CFAP61: variants seen among roughly 807,000 people sequenced by gnomAD.
CFAP61 encodes cilia- and flagella-associated protein 61.
A neutral mutation model predicts 135.6 loss-of-function variants in CFAP61; 107 were observed. The ratio of observed to expected loss-of-function variants is 0.79; its 90% CI spans 0.67 to 0.93. CFAP61 has a LOEUF of 0.93. Among genes scored for constraint, CFAP61 ranks in the 40% least tolerant of loss-of-function variants. CFAP61 has a pLI of 0.00. For synonymous variants in CFAP61, 575 were observed against 578.5 expected (o/e 0.99, Z 0.09); for missense variants, 1,507 against 1,556.2 (o/e 0.97, Z 0.53).
chr20:20,201,280 C>G (rs902393218), intron 17 of CFAP61, among the ~76,000 whole-genome samples: 1 of 152,194 alleles, frequency 6.6e-6, no homozygotes. Flanking sequence ...ACATGGGCAC[C>G]TGTTCCAGAA....
At chr20:20,062,299 A>G (rs1379279660) in intron 2 of CFAP61, among the ~76,000 whole-genome samples, 2 of 152,186 alleles carry the variant, frequency 1.3e-5, no homozygotes, top group Non-Finnish European at 2.9e-5. Flanking sequence ...TCTCTCACCC[A>G]TAGAATCATG....
rs755144101 is a variant in CFAP61 at position 20,159,422 on chromosome 20, G to GT, written c.1005dup (p.Gly336TrpfsTer4). On this transcript the variant is annotated frameshift_variant, in exon 10 of 27. Coordinates refer to ENST00000245957, the MANE Select transcript of CFAP61 (RefSeq NM_015585.4). LOFTEE classifies it high-confidence loss of function. ...GAGGAAGCTTTAACAGCAGTCCAAA[G>GT]TGGAAATGTTAGTGAACCGGAGGTA... 6.8e-6 allele frequency: 11 copies of GT among 1,613,982 alleles called. No homozygotes were observed. In the South Asian group the frequency reaches 1.2e-4, roughly 18 times the overall value.
At chr20:20,211,729 T>G (rs964834687) in intron 17 of CFAP61, among the ~76,000 whole-genome samples, 3 of 152,236 alleles carry the variant, frequency 2.0e-5, no homozygotes, top group Non-Finnish European at 4.4e-5. Context: ...TTTGTTTTAT[T>G]TTTTCATATA....
intron 24 of CFAP61, among the ~76,000 whole-genome samples, chr20:20,294,808 G>T (rs1052155090): frequency 1.3e-5 from 2 of 150,988 alleles, no homozygotes; most frequent in Non-Finnish European, 3.0e-5. Context: ...GGCGCCTGTA[G>T]TCCCAGCTAC....
chr20:20,174,277 G>A (rs554335867), intron 13 of CFAP61, among the ~76,000 whole-genome samples: 8 of 152,160 alleles, frequency 5.3e-5, no homozygotes, highest in South Asian at 4.1e-4. Flanking sequence ...CAGCGCACCC[G>A]CCAGCCCACA....
intron 25 of CFAP61, among the ~76,000 whole-genome samples, chr20:20,336,725 G>C (rs182167026): frequency 6.6e-6 from 1 of 152,140 alleles, no homozygotes; most frequent in Non-Finnish European, 1.5e-5. Context: ...GCAAACACTA[G>C]CCCAAGAGAG....
intron 1 of CFAP61, among the ~76,000 whole-genome samples, chr20:20,053,081 C>T (rs1246404050): frequency 6.6e-6 from 1 of 152,176 alleles, no homozygotes; most frequent in Non-Finnish European, 1.5e-5. Flanking sequence ...GCCTTAATTA[C>T]TCTAGTTAAA....
intron 21 of CFAP61, among the ~76,000 whole-genome samples, chr20:20,269,426 C>G (rs1400722417): frequency 5.3e-5 from 8 of 151,904 alleles, no homozygotes; most frequent in Admixed American, 5.2e-4. Flanking sequence ...GGCTGGAGTG[C>G]AGTGGTGCAA....
intron 25 of CFAP61, among the ~76,000 whole-genome samples, chr20:20,317,464 G>C (rs1278808187): frequency 2.0e-5 from 3 of 152,200 alleles, no homozygotes; most frequent in Non-Finnish European, 4.4e-5. Context: ...GTGACAGATG[G>C]CAGAGCCCCA....
intron 8 of CFAP61, among the ~76,000 whole-genome samples, chr20:20,122,666 T>C (rs2049748657): frequency 1.3e-5 from 2 of 152,254 alleles, no homozygotes; most frequent in Admixed American, 6.5e-5. Flanking sequence ...ACTCGTTGAT[T>C]GATGGCAATT....
At position 20,202,850 on chromosome 20, in the gene CFAP61, G is replaced by A. The variant is rs191748465; in HGVS notation, c.1932+2948G>A. On this transcript the variant is annotated intron_variant, in intron 17 of 26. Transcript: ENST00000245957. ...ATATCATTTCTCTTGCTGGCCACTC[G>A]TCTTTCATACCTTTTATCCTATTTA... Among the ~76,000 whole-genome samples, 138 of 151,930 alleles carry A rather than the reference G, an allele frequency of 9.1e-4. 1 individual carries two copies. The highest frequency in any genetic ancestry group is 3.0e-3 in the African/African-American group (124 of 41,410).
At chr20:20,059,894 G>A (rs1877593429) in intron 2 of CFAP61, among the ~76,000 whole-genome samples, 1 of 152,078 alleles carries the variant, frequency 6.6e-6, no homozygotes, top group African/African-American at 2.4e-5. Context: ...GGAAGCCAAA[G>A]GGTAATATTT....
intron 13 of CFAP61, chr20:20,172,074 GGTTGGGC>G: frequency 2.1e-6 from 1 of 471,804 alleles, no homozygotes; most frequent in East Asian, 4.7e-5. Context: ...GTTGCTGGTA[GGTTGGGC>G]ATGTGTCCAG....
chr20:20,086,397 A>G (rs2046807206), intron 6 of CFAP61, among the ~76,000 whole-genome samples: 1 of 136,640 alleles, frequency 7.3e-6, no homozygotes, highest in Non-Finnish European at 1.5e-5. Context: ...ATTCCCACCT[A>G]TGAGTGAGAA....
chr20:20,318,695 G>A (rs2057273753), intron 25 of CFAP61, among the ~76,000 whole-genome samples: 1 of 152,130 alleles, frequency 6.6e-6, no homozygotes, highest in African/African-American at 2.4e-5. Flanking sequence ...AAGTTCCTGG[G>A]GAAGGACTCC....
At chr20:20,304,984 A>C (rs987974577) in intron 25 of CFAP61, among the ~76,000 whole-genome samples, 1 of 152,138 alleles carries the variant, frequency 6.6e-6, no homozygotes, top group Non-Finnish European at 1.5e-5. Flanking sequence ...TCGTGGTGTA[A>C]ATAGGTCTTG....
chr20:20,342,795 G>T (rs1007848000), intron 26 of CFAP61, among the ~76,000 whole-genome samples: 1 of 152,156 alleles, frequency 6.6e-6, no homozygotes, highest in Non-Finnish European at 1.5e-5. Context: ...AGAAGCCACT[G>T]TTATCATCTT....
intron 25 of CFAP61, among the ~76,000 whole-genome samples, chr20:20,330,471 G>A (rs2122303046): frequency 6.6e-6 from 1 of 152,180 alleles, no homozygotes; most frequent in African/African-American, 2.4e-5. Flanking sequence ...GAGTAGTTGG[G>A]ATTACAGGCA....
At chr20:20,329,822 A>G (rs1303679729) in intron 25 of CFAP61, among the ~76,000 whole-genome samples, 3 of 152,196 alleles carry the variant, frequency 2.0e-5, no homozygotes, top group Non-Finnish European at 4.4e-5. Context: ...CTCCTTCTCC[A>G]GTGCTTCAGT....
Sources: gnomAD v4.1 joint callset for allele counts (sites outside exome capture counted in the v4.1 genomes callset) on GRCh38, gnomAD v4.1.1 for gene constraint, MANE v1.5 for transcripts, NCBI Gene and HGNC (gene_info 2026-07-23, HGNC 2026-07-21) for gene names.